The following SLC47A1 variants were observed in gnomAD, a reference collection of about 807,000 sequenced individuals.
SLC47A1 encodes solute carrier family 47 member 1.
In SLC47A1, 58 loss-of-function variants were observed where a neutral mutation model predicts 65.8. The ratio of observed to expected loss-of-function variants is 0.88; its 90% CI spans 0.71 to 1.10. The LOEUF is 1.10. SLC47A1 is among the 50% of genes least tolerant of loss of function. SLC47A1 has a pLI of 0.00. For synonymous variants in SLC47A1, 285 were observed against 295.0 expected (o/e 0.97, Z 0.35); for missense variants, 706 against 719.2 (o/e 0.98, Z 0.21).
intron 6 of SLC47A1, 54 bp downstream of exon 6, chr17:19,551,522 T>C: frequency 6.6e-7 from 1 of 1,518,432 alleles, no homozygotes. Context: ...TGTACCTTTC[T>C]GGGAATGGGG....
intron 2 of SLC47A1, among the ~76,000 whole-genome samples, chr17:19,543,527 C>A (rs1452504648): frequency 2.0e-5 from 3 of 152,210 alleles, no homozygotes; most frequent in African/African-American, 4.8e-5. Context: ...GACTCCCCCC[C>A]ATGCCCACTC....
intron 16 of SLC47A1, among the ~76,000 whole-genome samples, chr17:19,574,728 T>G (rs1477984345): frequency 6.6e-6 from 1 of 151,926 alleles, no homozygotes; most frequent in Non-Finnish European, 1.5e-5. Context: ...CAGGTTTAAG[T>G]GATTCTCCTG....
intron 6 of SLC47A1, among the ~76,000 whole-genome samples, chr17:19,555,009 A>C (rs1388283236): frequency 3.9e-5 from 6 of 152,074 alleles, no homozygotes; most frequent in Non-Finnish European, 8.8e-5. Context: ...TCCGCACTTT[A>C]TACCTCAAAG....
chr17:19,550,341 G>A (rs1916412243), intron 5 of SLC47A1, among the ~76,000 whole-genome samples: 1 of 151,594 alleles, frequency 6.6e-6, no homozygotes, highest in Admixed American at 6.6e-5. Flanking sequence ...TCTAAGATAG[G>A]GTGTCACTCT....
chr17:19,552,231 T>C (rs145431465), intron 6 of SLC47A1, among the ~76,000 whole-genome samples: 35 of 152,300 alleles, frequency 2.3e-4, no homozygotes, highest in African/African-American at 7.5e-4. Context: ...AAAGTAGATA[T>C]GGGGTCTTGC....
chr17:19,543,745 G>C (rs1916215117), intron 2 of SLC47A1, among the ~76,000 whole-genome samples: 2 of 152,160 alleles, frequency 1.3e-5, no homozygotes, highest in Admixed American at 1.3e-4. Context: ...GGTTTGTCTA[G>C]TTAGGTTGTT....
intron 4 of SLC47A1, among the ~76,000 whole-genome samples, 161 bp downstream of exon 4, chr17:19,548,294 C>T (rs1262019466): frequency 6.6e-6 from 1 of 152,166 alleles, no homozygotes; most frequent in Non-Finnish European, 1.5e-5. Context: ...CACCTGGCAT[C>T]TGAGATGTAC....
At chr17:19,564,209 G>A (rs1420153811) in intron 12 of SLC47A1, among the ~76,000 whole-genome samples, 1 of 151,870 alleles carries the variant, frequency 6.6e-6, no homozygotes, top group East Asian at 1.9e-4. Flanking sequence ...AATTTAGCTG[G>A]GCATGGTGGT....
At chr17:19,559,201 C>A (rs1310079661) in intron 10 of SLC47A1, among the ~76,000 whole-genome samples, 2 of 152,268 alleles carry the variant, frequency 1.3e-5, no homozygotes, top group African/African-American at 4.8e-5. Context: ...GGGTAAGTAA[C>A]TTGCTCAGGG....
chr17:19,567,371 A>G, intron 14 of SLC47A1, 143 bp downstream of exon 14: 1 of 1,278,208 alleles, frequency 7.8e-7, no homozygotes, highest in Non-Finnish European at 1.1e-6. Context: ...CAGAGAGTGT[A>G]GGGGGCGTTC....
intron 10 of SLC47A1, 22 bp from the exon 11 acceptor site, chr17:19,560,166 G>T: frequency 1.9e-6 from 3 of 1,559,698 alleles, no homozygotes; most frequent in Non-Finnish European, 1.8e-6. Context: ...ACTCATTGTT[G>T]CAGGTTTCCT....
chr17:19,555,297 A>G lies in SLC47A1; in HGVS notation c.629A>G (p.His210Arg). Residue 210 changes from histidine to arginine, a missense_variant, in exon 7 of 17, where the codon CAT becomes CGT. Transcript: ENST00000270570. ...LANYLFLHQL[H>R]LGVIGSALAN... ...AACTATCTGTTTCTCCATCAACTGC[A>G]TCTTGGGGTGATGTGAGTCCAACAT... The G allele has an allele frequency of 6.2e-7, 1 of 1,614,184 alleles. No individual in the cohort carries two copies.
chr17:19,534,279 T>G, intron 1 of SLC47A1: 5 of 585,664 alleles, frequency 8.5e-6, no homozygotes, highest in Non-Finnish European at 8.0e-6. Context: ...ACCACCCGAC[T>G]GGGGGCCCCG....
intron 15 of SLC47A1, among the ~76,000 whole-genome samples, chr17:19,572,404 C>T (rs2084406613): frequency 6.6e-6 from 1 of 152,066 alleles, no homozygotes; most frequent in African/African-American, 2.4e-5. Flanking sequence ...AGTGATCCTC[C>T]TGTCTCAGCC....
At position 19,555,629 on chromosome 17, in the gene SLC47A1, C is replaced by T. The variant is rs1452225857; in HGVS notation, c.678C>T (p.Thr226=). The T allele has an allele frequency of 3.7e-6, 6 of 1,614,172 alleles. No individual in the cohort carries two copies. The highest frequency in any genetic ancestry group is 5.1e-6 in the Non-Finnish European group (6 of 1,180,034). Residue 226 remains threonine, a synonymous_variant, in exon 8 of 17, where the codon ACC becomes ACT. Coordinates refer to ENST00000270570, the MANE Select transcript of SLC47A1 (RefSeq NM_018242.3). ...SALANLISQY[T]LALLLFLYIL... ...TGGCAAACTTGATTTCCCAGTACAC[C>T]CTGGCTCTACTCCTCTTTCTCTACA...
chr17:19,556,941 C>T (rs1280647006), intron 10 of SLC47A1, among the ~76,000 whole-genome samples: 1 of 152,166 alleles, frequency 6.6e-6, no homozygotes, highest in Non-Finnish European at 1.5e-5. Context: ...GAAATGGGTT[C>T]TATGCATACA....
intron 16 of SLC47A1, among the ~76,000 whole-genome samples, chr17:19,573,138 G>C (rs1301211731): frequency 6.6e-6 from 1 of 152,210 alleles, no homozygotes; most frequent in African/African-American, 2.4e-5. Context: ...GAAATACTGT[G>C]CTTCTACCAT....
At chr17:19,568,651 A>C (rs77148599) in intron 14 of SLC47A1, among the ~76,000 whole-genome samples, 7,766 of 152,208 alleles carry the variant, frequency 0.051, 580 homozygotes, top group African/African-American at 0.16. Context: ...ATCACCACTT[A>C]TTTTTTATGG....
chr17:19,555,102 G>A (rs955531205), intron 6 of SLC47A1, 110 bp from the exon 7 acceptor site: 74 of 933,486 alleles, frequency 7.9e-5, no homozygotes, highest in Middle Eastern at 5.7e-4. Context: ...CCCCAGCTAT[G>A]CCTGTGATAC....
Sources: gnomAD v4.1 joint callset for allele counts (sites outside exome capture counted in the v4.1 genomes callset) on GRCh38, gnomAD v4.1.1 for gene constraint, MANE v1.5 for transcripts, NCBI Gene and HGNC (gene_info 2026-07-23, HGNC 2026-07-21) for gene names.